The following CLEC4M variants were observed in gnomAD, a reference collection of about 807,000 sequenced individuals.
The protein encoded by CLEC4M is C-type lectin domain family 4 member M.
In CLEC4M, 25 loss-of-function variants were observed where a neutral mutation model predicts 39.1. The ratio of observed to expected loss-of-function variants is 0.64; its 90% CI spans 0.47 to 0.89. The LOEUF (loss-of-function observed/expected upper bound fraction) is 0.89. Ranked by LOEUF, CLEC4M falls within the 40% of genes least tolerant of loss-of-function variation. CLEC4M has a pLI of 0.00. For missense variants in CLEC4M, 353 were observed against 431.4 expected (o/e 0.82, Z 1.61); for synonymous variants, 155 against 177.4 (o/e 0.87, Z 1.00).
intron 2 of CLEC4M, among the ~76,000 whole-genome samples, chr19:7,764,108 TTTATTA>T (rs995306561): frequency 6.6e-6 from 1 of 151,154 alleles, no homozygotes; most frequent in Non-Finnish European, 1.5e-5. Context: ...TTGAGGAGGA[TTTATTA>T]TTATTATTAT....
Position 7,765,811 on chromosome 19 carries a change from T to G in CLEC4M, c.388T>G (p.Ser130Ala), listed in dbSNP as rs928764264. The G allele has an allele frequency of 6.2e-7, 1 of 1,605,936 alleles. No homozygotes were observed. The highest frequency in any genetic ancestry group is 1.4e-5 in the African/African-American group (1 of 72,716). ...KAAVGELPEKSKLQEIYQELT... is the reference protein window; with the variant it reads ...KAAVGELPEKAKLQEIYQELT... ...TGCAGTGGGTGAGTTGCCAGAGAAA[T>G]CCAAGCTGCAGGAGATCTACCAGGA... Residue 130 changes from serine to alanine, a missense_variant, in exon 4 of 7, where the codon TCC becomes GCC. By Grantham distance (99) the Ser-to-Ala change is moderately conservative. This residue lies in a region of CLEC4M where 18 missense variants were observed against 77.1 expected (regional missense o/e 0.23). Coordinates refer to ENST00000327325, the MANE Select transcript of CLEC4M (RefSeq NM_014257.5).
At chr19:7,764,160 A>G (rs777167987) in intron 2 of CLEC4M, among the ~76,000 whole-genome samples, 1 of 152,048 alleles carries the variant, frequency 6.6e-6, no homozygotes, top group Non-Finnish European at 1.5e-5. Context: ...ATTAACATCC[A>G]AAAAGACTGA....
chr19:7,766,365 C>A, intron 4 of CLEC4M, 158 bp downstream of exon 4: 1 of 1,479,320 alleles, frequency 6.8e-7, no homozygotes. Flanking sequence ...CACAGTGGGC[C>A]AGGCACACAG....
chr19:7,767,378 A>T, intron 5 of CLEC4M, 138 bp from the exon 6 acceptor site: 1 of 637,546 alleles, frequency 1.6e-6, no homozygotes, highest in Non-Finnish European at 2.8e-6. Flanking sequence ...AGGGGCTCAG[A>T]CATGAGGAGG....
At chr19:7,766,940 T>A in intron 5 of CLEC4M, 133 bp downstream of exon 5, 2 of 1,473,046 alleles carry the variant, frequency 1.4e-6, no homozygotes, top group Non-Finnish European at 1.8e-6. Flanking sequence ...AGGATATGAA[T>A]GAAGGGGTCC....
At chr19:7,767,777 A>T in intron 6 of CLEC4M, 149 bp downstream of exon 6, 1 of 645,574 alleles carries the variant, frequency 1.5e-6, no homozygotes, top group South Asian at 1.9e-5. Context: ...GGTGGTCTTC[A>T]TACCCACCTC....
chr19:7,768,092 G>A (rs1166231650), intron 6 of CLEC4M: 1 of 159,466 alleles, frequency 6.3e-6, no homozygotes. Flanking sequence ...AAAAGGGCAA[G>A]GCCAGGCAAG....
intron 5 of CLEC4M, 119 bp downstream of exon 5, chr19:7,766,926 GAGA>G: frequency 6.5e-7 from 1 of 1,535,148 alleles, no homozygotes; most frequent in South Asian, 1.2e-5. Context: ...AAGATGGGAA[GAGA>G]AGGATATGAA....
chr19:7,769,112 T>A lies in CLEC4M; in HGVS notation c.*124T>A. The A allele has an allele frequency of 1.0e-6, 1 of 966,136 alleles. No individual in the cohort carries two copies. Among genetic ancestry groups the A allele is most frequent in the Non-Finnish European group, 1.5e-6 (1 of 655,204 alleles). The allele number at this position is 966,136 out of a possible 1,614,324, so 59.8% of individuals were successfully genotyped here. ...GCCCTGAGACGGTTCTCTGTTCGAT[T>A]TTTCATCCCCTATGAACCTGGGTCT... On this transcript the variant is annotated 3_prime_UTR_variant, in exon 7 of 7. Transcript: ENST00000327325.
At chr19:7,767,896 A>C (rs888818042) in intron 6 of CLEC4M, 2 of 334,136 alleles carry the variant, frequency 6.0e-6, no homozygotes, top group African/African-American at 4.1e-5. Flanking sequence ...TCTGAAGTCT[A>C]GTAAGGCCAC....
Position 7,766,637 on chromosome 19 carries a change from G to T in CLEC4M, c.785-19G>T. 1 of 1,614,126 alleles carries T rather than the reference G, an allele frequency of 6.2e-7. No homozygotes were observed. The highest frequency in any genetic ancestry group is 1.1e-5 in the South Asian group (1 of 91,062). On this transcript the variant is annotated intron_variant, in intron 4 of 6. Coordinates refer to ENST00000327325, the MANE Select transcript of CLEC4M (RefSeq NM_014257.5). ...GACAACCTAATCTGAGCCCAGCCCT[G>T]ACCAGCCTCCCCCAACAGAACGCCT... is the stretch of plus-strand genomic sequence containing the variant.
In CLEC4M at chr19:7,765,279, G is replaced by T; in HGVS notation, c.214+11G>T. On this transcript the variant is annotated intron_variant, in intron 3 of 6. Transcript: ENST00000327325. ...CCATCCTTGTCCAAGGTCAGGGGCA[G>T]GTTCTGAGGGTCTGGGGTCCCCAGG... 1.2e-6 allele frequency: 2 copies of T among 1,614,058 alleles called. No homozygotes were observed. The highest frequency in any genetic ancestry group is 1.7e-6 in the Non-Finnish European group (2 of 1,179,928).
Position 7,769,423 on chromosome 19 carries a change from A to C in CLEC4M, c.*435A>C, listed in dbSNP as rs998459392. On this transcript the variant is annotated 3_prime_UTR_variant, in exon 7 of 7. Coordinates refer to ENST00000327325, the MANE Select transcript of CLEC4M (RefSeq NM_014257.5). ...GGGGACTTGCTGGTTGAAGGAGCTC[A>C]TCTTGCAGGCTGGAAGCACCAGGGA... The C allele has an allele frequency of 6.3e-6, 1 of 158,560 alleles. No individual in the cohort carries two copies. The highest frequency in any genetic ancestry group is 1.4e-5 in the Non-Finnish European group (1 of 71,298). 9.8% of individuals were successfully genotyped at this position (158,560 alleles called of 1,614,324 possible).
chr19:7,768,593 A>C, intron 6 of CLEC4M: 1 of 348,696 alleles, frequency 2.9e-6, no homozygotes, highest in Non-Finnish European at 5.2e-6. Flanking sequence ...GAAAAAGAGA[A>C]AGAAAAGAAC....
intron 5 of CLEC4M, 32 bp downstream of exon 5, chr19:7,766,839 G>A (rs371822945): frequency 4.8e-5 from 78 of 1,613,398 alleles, no homozygotes; most frequent in Admixed American, 6.7e-5. Flanking sequence ...GTCCTGGCCT[G>A]GGGCATGGCT....
chr19:7,763,335 G>A (rs764322701), intron 1 of CLEC4M, 23 bp downstream of exon 1: 3 of 1,612,036 alleles, frequency 1.9e-6, no homozygotes, highest in Non-Finnish European at 2.5e-6. Flanking sequence ...TGGAACTCTG[G>A]GATCCTGGGT....
chr19:7,766,315 A>G, intron 4 of CLEC4M, 108 bp downstream of exon 4: 1 of 1,539,210 alleles, frequency 6.5e-7, no homozygotes, highest in Non-Finnish European at 8.7e-7. Context: ...CCCCTGTGAA[A>G]TGAGAACACG....
intron 6 of CLEC4M, chr19:7,767,829 G>A: frequency 1.8e-6 from 1 of 555,402 alleles, no homozygotes; most frequent in East Asian, 2.9e-5. Context: ...CAGCAGAGCT[G>A]CAGGAGGAGC....
chr19:7,766,935 A>T lies in CLEC4M; in HGVS notation c.936+128A>T, dbSNP rs2034305089. ...TTTGGAAAGATGGGAAGAGAAGGAT[A>T]TGAATGAAGGGGTCCCAGGTACCCT... On this transcript the variant is annotated intron_variant, in intron 5 of 6. Transcript: ENST00000327325. The T allele has an allele frequency of 3.3e-6, 5 of 1,499,080 alleles. No homozygotes were observed. The South Asian group carries it at 5.1e-5, about 15-fold the overall frequency. 92.9% of individuals were successfully genotyped at this position (1,499,080 alleles called of 1,614,324 possible). A position where few individuals can be genotyped will look rare whatever the true frequency, so the allele number is the denominator to read the frequency against.
Sources: allele counts gnomAD v4.1 joint callset (sites outside exome capture counted in the v4.1 genomes callset), GRCh38; gene constraint gnomAD v4.1.1; regional missense constraint gnomAD v4.1.1; transcripts MANE v1.5; gene names NCBI Gene and HGNC (gene_info 2026-07-23, HGNC 2026-07-21).